The following CD70 variants were observed in gnomAD, a reference collection of about 807,000 sequenced individuals.
CD70 encodes the protein CD70 antigen.
A neutral mutation model predicts 9.0 loss-of-function variants in CD70; 6 were observed. The observed-to-expected ratio is 0.67, with a 90% confidence interval of 0.37 to 1.32. CD70 has a LOEUF of 1.32. CD70 is among the 40% of genes most tolerant of loss of function. CD70 has a pLI of 0.02. For missense variants in CD70, 235 were observed against 258.7 expected, an observed-to-expected ratio of 0.91 and a Z score of 0.63; for synonymous variants, 108 against 112.3, an observed-to-expected ratio of 0.96 and a Z score of 0.24.
chr19:6,587,213 C>CGAGT (rs1916043011), intron 2 of CD70, among the ~76,000 whole-genome samples: 1 of 123,846 alleles, frequency 8.1e-6, no homozygotes, highest in Non-Finnish European at 1.7e-5. Flanking sequence ...CATGAGACAG[C>CGAGT]GAGAGAGTGT....
chr19:6,585,735 C>T (rs145268592), downstream of CD70: 2,639 of 313,820 alleles, frequency 8.4e-3, 59 homozygotes, highest in African/African-American at 0.05. Flanking sequence ...AGTGCAGTGG[C>T]GCAATCTCGG....
rs576864169 is a variant in CD70 at position 6,586,145 on chromosome 19, T to G, written c.457A>C (p.Ile153Leu). ...LRLSFHQGCT[I>L]ASQRLTPLAR... ...AGGGGCGTCAGGCGCTGGGAGGCAA[T>G]GGTACAACCTTGGTGGAAGCTGAGA... The change falls in exon 3 of 3, where the codon ATT (isoleucine) becomes CTT (leucine). Residue 153 changes from isoleucine to leucine, a missense_variant. Coordinates refer to ENST00000245903, the MANE Select transcript of CD70 (RefSeq NM_001252.5). The G allele has an allele frequency of 6.9e-5, 111 of 1,613,948 alleles. No individual in the cohort carries two copies. The South Asian group carries it at 1.1e-3, about 16-fold the overall frequency.
downstream of CD70, among the ~76,000 whole-genome samples, chr19:6,583,949 T>C (rs1036702550): frequency 6.6e-6 from 1 of 151,588 alleles, no homozygotes; most frequent in African/African-American, 2.4e-5. Context: ...CCGGCCACCA[T>C]GCCTGGCTAA....
At chr19:6,583,376 A>G (rs1314493824), downstream of CD70, 5 of 702,250 alleles carry the variant, frequency 7.1e-6, no homozygotes, top group Non-Finnish European at 1.0e-5. Flanking sequence ...TAGGGCTTGC[A>G]TGAACACGAG....
downstream of CD70, among the ~76,000 whole-genome samples, chr19:6,585,128 A>T (rs1915989295): frequency 6.6e-6 from 1 of 151,960 alleles, no homozygotes; most frequent in Non-Finnish European, 1.5e-5. Context: ...CTGGGATTAC[A>T]GGCGCCCTGG....
In CD70 at chr19:6,591,020, C is replaced by G. The variant is rs373468184; in HGVS notation, c.-18G>C. 3.2e-6 allele frequency: 5 copies of G among 1,582,160 alleles called. No homozygotes were observed. In the African/African-American group the frequency reaches 6.8e-5, roughly 21 times the overall value. On this transcript the variant is annotated 5_prime_UTR_variant, in exon 1 of 3. Transcript: ENST00000245903. ...TCCGGCATCGCCGCGGCGATCACCT[C>G]CGCTAGCGCAGGAGGGGCGATGGGG...
rs1568432646 is a variant in CD70, at chr19:6,590,822, C to T, written c.162+19G>A. ...GCGCCTCTCTATGTTTTCTTCCCAA[C>T]TTTTCCATCTCAACTCACCCCAAGT... On this transcript the variant is annotated intron_variant, in intron 1 of 2. Transcript: ENST00000245903. The surrounding 1 kb of genome is among the most constrained non-coding windows in gnomAD (Gnocchi z 5.3). The T allele has an allele frequency of 9.3e-6, 15 of 1,607,206 alleles. No homozygotes were observed. Among genetic ancestry groups the T allele is most frequent in the Non-Finnish European group, 1.2e-5 (14 of 1,175,476 alleles).
rs1322574113 is a variant in CD70 at position 6,590,674 on chromosome 19, C to T, written c.162+167G>A. 6.6e-6 allele frequency among the ~76,000 whole-genome samples: 1 copy of T among 152,208 alleles called. No individual in the cohort carries two copies. The highest frequency in any genetic ancestry group is 1.5e-5 in the Non-Finnish European group (1 of 68,028). On this transcript the variant is annotated intron_variant, in intron 1 of 2. Coordinates refer to ENST00000245903, the MANE Select transcript of CD70 (RefSeq NM_001252.5). The surrounding 1 kb of genome is among the most constrained non-coding windows in gnomAD (Gnocchi z 5.3). ...TACCTCCTGGCAGGGCTGCCTGTCT[C>T]GTAGCCCCTACACCGGGCAGCCTGG...
chr19:6,589,285 CTTCT>C (rs945218753), intron 2 of CD70, among the ~76,000 whole-genome samples: 10 of 148,122 alleles, frequency 6.8e-5, no homozygotes, highest in African/African-American at 1.2e-4. Flanking sequence ...TTTTCTCTTT[CTTCT>C]TTCTTTTTCC....
At chr19:6,584,088 T>C (rs536252932), downstream of CD70, among the ~76,000 whole-genome samples, 2 of 146,442 alleles carry the variant, frequency 1.4e-5, no homozygotes, top group African/African-American at 5.0e-5. Context: ...CCACCGCGCC[T>C]GGCCTGTAGT....
At chr19:6,581,789 C>T (rs1233775521), downstream of CD70, among the ~76,000 whole-genome samples, 2 of 152,066 alleles carry the variant, frequency 1.3e-5, no homozygotes, top group African/African-American at 4.8e-5. Context: ...ACTAGTCATG[C>T]CTTCCTAACT....
At position 6,585,903 on chromosome 19, in the gene CD70, C is replaced by T. The variant is rs1916003591; in HGVS notation, c.*117G>A. 3.0e-6 allele frequency: 2 copies of T among 673,752 alleles called. No individual in the cohort carries two copies. The highest frequency in any genetic ancestry group is 2.1e-5 in the South Asian group (1 of 47,046). The allele number at this position is 673,752 out of a possible 1,614,324, so 41.7% of individuals were successfully genotyped here. On this transcript the variant is annotated 3_prime_UTR_variant, in exon 3 of 3. Transcript: ENST00000245903. ...CTCAATGCCTTCTCTTGTCCTGCCA[C>T]CACTACCCCCCACCACACTCCCACC...
chr19:6,583,305 G>A (rs1309944371), downstream of CD70: 6 of 691,466 alleles, frequency 8.7e-6, no homozygotes, highest in East Asian at 2.7e-5. Flanking sequence ...ATGACTCAAC[G>A]GTTTACGCCT....
intron 2 of CD70, among the ~76,000 whole-genome samples, chr19:6,588,628 A>G (rs1599452540): frequency 6.6e-6 from 1 of 151,716 alleles, no homozygotes; most frequent in Non-Finnish European, 1.5e-5. Flanking sequence ...TGCCAATGCC[A>G]CCCACTCAGA....
chr19:6,590,830 T>A lies in CD70; in HGVS notation c.162+11A>T, dbSNP rs2145325298. On this transcript the variant is annotated intron_variant, in intron 1 of 2. Coordinates refer to ENST00000245903, the MANE Select transcript of CD70 (RefSeq NM_001252.5). This position sits in a 1 kb window ranked among gnomAD's most constrained non-coding sequence, Gnocchi z 5.3. ...CTATGTTTTCTTCCCAACTTTTCCATCTCAACTCACCCCAAGTGACTCGAG... is the reference window on the plus strand; with the variant it reads ...CTATGTTTTCTTCCCAACTTTTCCAACTCAACTCACCCCAAGTGACTCGAG... 6.2e-7 allele frequency: 1 copy of A among 1,608,986 alleles called. No individual in the cohort carries two copies. The highest frequency in any genetic ancestry group is 2.2e-5 in the East Asian group (1 of 44,812).
intron 2 of CD70, among the ~76,000 whole-genome samples, chr19:6,588,977 C>T (rs1011628210): frequency 6.6e-6 from 1 of 152,076 alleles, no homozygotes; most frequent in African/African-American, 2.4e-5. Flanking sequence ...TTCCTGTGAG[C>T]GTTTTCGTTT....
At chr19:6,588,391 G>A (rs527889438) in intron 2 of CD70, among the ~76,000 whole-genome samples, 1 of 152,130 alleles carries the variant, frequency 6.6e-6, no homozygotes, top group Admixed American at 6.5e-5. Flanking sequence ...GGCCGGGGAG[G>A]GGGGGAAGAT....
At chr19:6,585,209 C>T (rs1915990607), downstream of CD70, among the ~76,000 whole-genome samples, 1 of 152,042 alleles carries the variant, frequency 6.6e-6, no homozygotes, top group Admixed American at 6.6e-5. Context: ...GTCTCGAACT[C>T]CTGATTTCAA....
At chr19:6,585,702 T>G (rs1299687287), downstream of CD70, 1 of 248,198 alleles carries the variant, frequency 4.0e-6, no homozygotes, top group Non-Finnish European at 7.9e-6. Context: ...TGAGACAGAG[T>G]CTTGCTCTGT....
Sources: allele counts gnomAD v4.1 joint callset (sites outside exome capture counted in the v4.1 genomes callset), GRCh38; gene constraint gnomAD v4.1.1; non-coding constraint Gnocchi (gnomAD v3.1); transcripts MANE v1.5; gene names NCBI Gene and HGNC (gene_info 2026-07-23, HGNC 2026-07-21).